The following PATJ variants were observed in gnomAD, a reference collection of about 807,000 sequenced individuals.
PATJ encodes inaD-like protein.
In PATJ, 190 loss-of-function variants were observed where a neutral mutation model predicts 224.9. The ratio of observed to expected loss-of-function variants is 0.84; its 90% CI spans 0.75 to 0.95. The LOEUF is 0.95. Ranked by LOEUF, PATJ falls within the 40% of genes least tolerant of loss-of-function variation. The pLI, the probability that PATJ is intolerant of heterozygous loss-of-function variation, is 0.00. For synonymous variants in PATJ, 769 were observed against 820.3 expected (o/e 0.94, Z 1.07); for missense variants, 2,121 against 2,270.3 (o/e 0.93, Z 1.34).
At chr1:61,994,171 C>A (rs536319685) in intron 28 of PATJ, among the ~76,000 whole-genome samples, 1 of 152,214 alleles carries the variant, frequency 6.6e-6, no homozygotes, top group Non-Finnish European at 1.5e-5. Flanking sequence ...GAAATTAATT[C>A]ATTCAGCAAA....
Position 61,763,076 on chromosome 1 carries a change from C to T in PATJ, c.86C>T (p.Thr29Met), listed in dbSNP as rs772872801. 12 of 1,610,892 alleles carry T rather than the reference C, an allele frequency of 7.4e-6. No individual in the cohort carries two copies. Among genetic ancestry groups the T allele is most frequent in the South Asian group, 3.3e-5 (3 of 90,758 alleles). Reference sequence around the variant, plus strand: ...ATGAAATTGCAGGAGAAGGGTGACACGTCGCAGAATGAGAAGTTATCTATG... The same window carrying T: ...ATGAAATTGCAGGAGAAGGGTGACATGTCGCAGAATGAGAAGTTATCTATG... ...LKMKLQEKGD[T>M]SQNEKLSMFY... is the part of the protein sequence containing the mutation. The change falls in exon 3 of 44, where the codon ACG (threonine) becomes ATG (methionine). Residue 29 changes from threonine to methionine, a missense_variant. Thr to Met is a moderately conservative substitution (Grantham distance 81, BLOSUM62 -1). Coordinates refer to ENST00000642238, the MANE Select transcript of PATJ (RefSeq NM_001350145.3).
chr1:62,059,109 C>T (rs1162925595), intron 31 of PATJ, among the ~76,000 whole-genome samples: 7 of 152,092 alleles, frequency 4.6e-5, no homozygotes, highest in African/African-American at 1.2e-4. Context: ...TAGGTCCTCA[C>T]GTCTGCATTC....
In PATJ at chr1:62,039,518, A is replaced by G. The variant is rs372863443; in HGVS notation, c.4032+1469A>G. Among the ~76,000 whole-genome samples, 13 of 152,364 alleles carry G rather than the reference A, an allele frequency of 8.5e-5. No homozygotes were observed. In the South Asian group the frequency reaches 2.7e-3, roughly 32 times the overall value. Reference sequence around the variant, plus strand: ...TCTTCATGGTTGAAGACACAAAGATACAAATTAAGAAATAAATAAACCAAA... The same window carrying G: ...TCTTCATGGTTGAAGACACAAAGATGCAAATTAAGAAATAAATAAACCAAA... On this transcript the variant is annotated intron_variant, in intron 30 of 43. Coordinates refer to ENST00000642238, the MANE Select transcript of PATJ (RefSeq NM_001350145.3).
At chr1:61,895,804 T>C (rs543364999) in intron 22 of PATJ, among the ~76,000 whole-genome samples, 5 of 152,254 alleles carry the variant, frequency 3.3e-5, no homozygotes, top group Non-Finnish European at 5.9e-5. Flanking sequence ...GACCCCAGAA[T>C]GGTATCTCCA....
chr1:62,079,024 CT>C (rs1658809387), intron 31 of PATJ, among the ~76,000 whole-genome samples: 4 of 152,004 alleles, frequency 2.6e-5, no homozygotes, highest in Admixed American at 2.6e-4. Flanking sequence ...AGTGTTGATG[CT>C]CTAAACATCC....
intron 43 of PATJ, among the ~76,000 whole-genome samples, chr1:62,157,082 G>A (rs1669301166): frequency 1.3e-5 from 2 of 152,086 alleles, no homozygotes; most frequent in African/African-American, 4.8e-5. Context: ...CCAGCACTTT[G>A]GGAGACAGAG....
chr1:61,965,514 C>T (rs1018615818), intron 27 of PATJ, among the ~76,000 whole-genome samples: 3 of 152,202 alleles, frequency 2.0e-5, no homozygotes, highest in African/African-American at 7.2e-5. Flanking sequence ...GGTTCTCTAA[C>T]TCTCACTCTC....
At chr1:61,958,212 G>T (rs1353520178) in intron 27 of PATJ, among the ~76,000 whole-genome samples, 1 of 152,036 alleles carries the variant, frequency 6.6e-6, no homozygotes, top group Non-Finnish European at 1.5e-5. Context: ...TTTGTTTACA[G>T]GTTTATTGTG....
chr1:61,814,704 C>G (rs935896409), intron 14 of PATJ, among the ~76,000 whole-genome samples: 1 of 152,114 alleles, frequency 6.6e-6, no homozygotes, highest in South Asian at 2.1e-4. Context: ...TAAAAATCCT[C>G]TTATAATTGG....
At position 62,112,869 on chromosome 1, in the gene PATJ, A is replaced by T. The variant is rs963422646; in HGVS notation, c.4462-1184A>T. Among the ~76,000 whole-genome samples, 4 of 152,214 alleles carry T rather than the reference A, an allele frequency of 2.6e-5. No individual in the cohort carries two copies. The East Asian group carries it at 7.7e-4, about 29-fold the overall frequency. On this transcript the variant is annotated intron_variant, in intron 34 of 43. Transcript: ENST00000642238. ...CAGTAACCCATTCTAAGAGTTAATG[A>T]TGAGGCAGCATGGAATAGGAACTGA... is the stretch of plus-strand genomic sequence containing the variant.
chr1:61,860,872 A>G (rs536683230), intron 18 of PATJ, among the ~76,000 whole-genome samples: 1 of 152,056 alleles, frequency 6.6e-6, no homozygotes, highest in Admixed American at 6.6e-5. Context: ...ATGGCATGAT[A>G]ATTGTGAACA....
chr1:62,038,925 T>A (rs552043399), intron 30 of PATJ: 22 of 1,046,072 alleles, frequency 2.1e-5, no homozygotes, highest in Non-Finnish European at 3.0e-5. Context: ...ATTCACTTAA[T>A]CTGGGTTGCC....
chr1:61,758,498 G>A (rs569041084), intron 1 of PATJ, among the ~76,000 whole-genome samples: 1 of 152,020 alleles, frequency 6.6e-6, no homozygotes, highest in Non-Finnish European at 1.5e-5. Context: ...TCAGGCATCT[G>A]CCACCACGCC....
chr1:61,959,871 A>C (rs1031473385), intron 27 of PATJ, among the ~76,000 whole-genome samples: 2 of 152,030 alleles, frequency 1.3e-5, no homozygotes, highest in Non-Finnish European at 2.9e-5. Flanking sequence ...AAAAACTTAA[A>C]AATTAGCCAG....
chr1:61,889,718 T>A lies in PATJ; in HGVS notation c.3131+5310T>A, dbSNP rs536998358. Among the ~76,000 whole-genome samples, 46 of 152,332 alleles carry A rather than the reference T, an allele frequency of 3.0e-4. No homozygotes were observed. In the South Asian group the frequency reaches 8.5e-3, roughly 28 times the overall value. ...CAAAGAGATGATTCACATCCCAGGC[T>A]GGACAGCAAGATATTTCTTCATGCT... On this transcript the variant is annotated intron_variant, in intron 22 of 43. Coordinates refer to ENST00000642238, the MANE Select transcript of PATJ (RefSeq NM_001350145.3).
At chr1:62,081,076 T>G (rs1659217271) in intron 32 of PATJ, among the ~76,000 whole-genome samples, 2 of 152,176 alleles carry the variant, frequency 1.3e-5, no homozygotes, top group African/African-American at 4.8e-5. Context: ...ATGATGGAGT[T>G]AAGTAGTCAC....
intron 28 of PATJ, among the ~76,000 whole-genome samples, chr1:62,006,240 A>G (rs1320419789): frequency 1.3e-5 from 2 of 152,032 alleles, no homozygotes; most frequent in Non-Finnish European, 2.9e-5. Flanking sequence ...TCTGCCTCCC[A>G]AGTAGCTGGG....
intron 27 of PATJ, among the ~76,000 whole-genome samples, chr1:61,944,583 A>G (rs943031301): frequency 6.6e-6 from 1 of 152,200 alleles, no homozygotes; most frequent in Non-Finnish European, 1.5e-5. Flanking sequence ...ATGTGAAAAG[A>G]CCAAATCTAC....
chr1:62,036,766 G>A (rs1045928495), intron 29 of PATJ, among the ~76,000 whole-genome samples: 11 of 150,952 alleles, frequency 7.3e-5, no homozygotes, highest in South Asian at 4.2e-4. Context: ...CAGCTACTCC[G>A]GAGGCTGAGG....
Sources: gnomAD v4.1 joint callset for allele counts (sites outside exome capture counted in the v4.1 genomes callset) on GRCh38, gnomAD v4.1.1 for gene constraint, MANE v1.5 for transcripts, NCBI Gene and HGNC (gene_info 2026-07-23, HGNC 2026-07-21) for gene names.